The following COL19A1 variants were observed in gnomAD, a reference collection of about 807,000 sequenced individuals.
The protein encoded by COL19A1 is collagen alpha-1(XIX) chain.
A neutral mutation model predicts 190.2 loss-of-function variants in COL19A1; 159 were observed. The ratio of observed to expected loss-of-function variants is 0.84; its 90% CI spans 0.73 to 0.95. The LOEUF (loss-of-function observed/expected upper bound fraction) is 0.95, where lower values mean the gene tolerates loss of function less well. Among genes scored for constraint, COL19A1 ranks in the 40% least tolerant of loss-of-function variants. COL19A1 has a pLI of 0.00. For missense variants in COL19A1, 1,418 were observed against 1,431.9 expected (o/e 0.99, Z 0.16); for synonymous variants, 509 against 458.9 (o/e 1.11, Z -1.39).
At position 70,156,017 on chromosome 6, in the gene COL19A1, C is replaced by G. The variant is rs1787407394; in HGVS notation, c.2080-110C>G. On this transcript the variant is annotated intron_variant, in intron 31 of 50. Coordinates refer to ENST00000620364, the MANE Select transcript of COL19A1 (RefSeq NM_001858.6). ...AGTGTCTGAAAGCAGAATGACCTAT[C>G]TATATCACTCATCTCCAGAGGTTCC... The G allele has an allele frequency of 8.9e-6, 7 of 789,882 alleles. No homozygotes were observed. The Admixed American group carries it at 1.7e-4, about 19-fold the overall frequency. 48.9% of individuals were successfully genotyped at this position (789,882 alleles called of 1,614,324 possible).
intron 15 of COL19A1, among the ~76,000 whole-genome samples, chr6:70,076,755 G>A (rs1781907710): frequency 6.6e-6 from 1 of 152,164 alleles, no homozygotes. Flanking sequence ...GTTCTATGAA[G>A]GAGTCTTATA....
intron 11 of COL19A1, among the ~76,000 whole-genome samples, chr6:70,003,801 C>T (rs1290135138): frequency 2.0e-5 from 3 of 152,158 alleles, no homozygotes; most frequent in East Asian, 1.9e-4. Context: ...GAATACAGCA[C>T]AGCAATGGGT....
intron 2 of COL19A1, among the ~76,000 whole-genome samples, chr6:69,898,057 C>T (rs780781320): frequency 6.6e-6 from 1 of 151,688 alleles, no homozygotes; most frequent in Non-Finnish European, 1.5e-5. Flanking sequence ...AGTAGTTTAT[C>T]TCCTCTCTAT....
intron 15 of COL19A1, among the ~76,000 whole-genome samples, chr6:70,088,895 T>C (rs1177461707): frequency 1.3e-5 from 2 of 152,196 alleles, no homozygotes; most frequent in Non-Finnish European, 2.9e-5. Context: ...CTCATTAAAG[T>C]AGTAAAAAAT....
At chr6:70,041,177 C>T (rs6940359) in intron 14 of COL19A1, among the ~76,000 whole-genome samples, 1,973 of 152,278 alleles carry the variant, frequency 0.013, 45 homozygotes, top group African/African-American at 0.045. Flanking sequence ...TCAGCAAATA[C>T]AGCTAGTTGA....
chr6:70,106,675 T>C (rs1783990417), intron 16 of COL19A1, among the ~76,000 whole-genome samples: 1 of 152,208 alleles, frequency 6.6e-6, no homozygotes, highest in Non-Finnish European at 1.5e-5. Flanking sequence ...ACAATGTATT[T>C]TTGTAAAGTA....
chr6:70,054,205 C>G (rs1780368026), intron 14 of COL19A1, among the ~76,000 whole-genome samples: 3 of 152,030 alleles, frequency 2.0e-5, no homozygotes, highest in African/African-American at 7.2e-5. Flanking sequence ...CAAAATTTAG[C>G]TGTGTGTGAT....
intron 23 of COL19A1, among the ~76,000 whole-genome samples, 187 bp downstream of exon 23, chr6:70,143,007 C>T (rs578061062): frequency 6.6e-6 from 1 of 152,230 alleles, no homozygotes; most frequent in South Asian, 2.1e-4. Context: ...TTCATATAAT[C>T]ATGTGAGGTC....
intron 31 of COL19A1, among the ~76,000 whole-genome samples, chr6:70,153,511 G>A (rs1057168662): frequency 6.6e-6 from 1 of 151,954 alleles, no homozygotes; most frequent in Admixed American, 6.6e-5. Context: ...TTGCCATTCT[G>A]GTAACCCTAA....
chr6:70,171,928 T>A, intron 40 of COL19A1, 36 bp from the exon 41 acceptor site: 1 of 1,605,184 alleles, frequency 6.2e-7, no homozygotes, highest in East Asian at 2.2e-5. Context: ...ACATTTTGAT[T>A]ATTGCTCCTG....
intron 9 of COL19A1, among the ~76,000 whole-genome samples, chr6:69,941,739 A>T (rs1008867193): frequency 4.2e-5 from 6 of 143,780 alleles, no homozygotes; most frequent in Non-Finnish European, 7.5e-5. Flanking sequence ...CCCAGGCTGG[A>T]GTGCAATGGT....
rs760066557 is a variant in COL19A1, at chr6:70,190,349, A to C, written c.3062A>C (p.Tyr1021Ser). 6.2e-7 allele frequency: 1 copy of C among 1,606,174 alleles called. No individual in the cohort carries two copies. The highest frequency in any genetic ancestry group is 1.1e-5 in the South Asian group (1 of 89,374). Residue 1021 changes from tyrosine to serine, a missense_variant, in exon 48 of 51, where the codon TAT (tyrosine) becomes TCT (serine). By Grantham distance (144) the Tyr-to-Ser change is moderately radical. Coordinates refer to ENST00000620364, the MANE Select transcript of COL19A1 (RefSeq NM_001858.6). ...DAVSFEEIKK[Y>S]INQEVLRIFE... The stretch of plus-strand genomic sequence containing the variant: ...GTTTCATTTGAAGAAATAAAGAAGT[A>C]TATTAATCAAGAGGTCCTAAGGATT...
At chr6:70,165,226 T>G (rs1765076354) in intron 36 of COL19A1, among the ~76,000 whole-genome samples, 1 of 152,214 alleles carries the variant, frequency 6.6e-6, no homozygotes, top group Admixed American at 6.5e-5. Flanking sequence ...GATAAACATC[T>G]ATGGTTTATA....
intron 6 of COL19A1, among the ~76,000 whole-genome samples, chr6:69,931,831 A>G (rs974150770): frequency 6.6e-6 from 1 of 152,070 alleles, no homozygotes; most frequent in East Asian, 1.9e-4. Context: ...TCTGAGGCGA[A>G]AAGTAAAAGT....
rs543303709 is a variant in COL19A1, at chr6:70,149,774, G to T, written c.1929+35G>T. On this transcript the variant is annotated intron_variant, in intron 28 of 50. Transcript: ENST00000620364. ...TTAACTAATTTTTTAGCACAGCAAA[G>T]CCAGCTTGCTTACTTGGGGGAAATG... is the stretch of plus-strand genomic sequence containing the variant. 7.0e-5 allele frequency: 113 copies of T among 1,613,562 alleles called. 2 individuals carry two copies. In the South Asian group the frequency reaches 1.2e-3, roughly 17 times the overall value.
At chr6:70,166,108 A>G in intron 37 of COL19A1, 123 bp downstream of exon 37, 1 of 875,178 alleles carries the variant, frequency 1.1e-6, no homozygotes, top group Non-Finnish European at 1.9e-6. Context: ...GTGTATAAAT[A>G]TAAATGATAG....
chr6:70,185,648 C>T (rs192912164), intron 46 of COL19A1, among the ~76,000 whole-genome samples: 20 of 152,172 alleles, frequency 1.3e-4, no homozygotes, highest in Non-Finnish European at 2.4e-4. Context: ...TTGATTTCTA[C>T]TAGAATTAAC....
chr6:70,074,948 A>G (rs1696221381), intron 15 of COL19A1, among the ~76,000 whole-genome samples: 1 of 152,156 alleles, frequency 6.6e-6, no homozygotes, highest in South Asian at 2.1e-4. Context: ...TCGTAGGTAG[A>G]AAAAAAGCAT....
At chr6:69,987,857 T>G (rs1776395018) in intron 11 of COL19A1, among the ~76,000 whole-genome samples, 1 of 152,192 alleles carries the variant, frequency 6.6e-6, no homozygotes, top group South Asian at 2.1e-4. Flanking sequence ...ACTCAAGTAG[T>G]GGGCTTTCTC....
Sources: allele counts gnomAD v4.1 joint callset (sites outside exome capture counted in the v4.1 genomes callset), GRCh38; gene constraint gnomAD v4.1.1; transcripts MANE v1.5; gene names NCBI Gene and HGNC (gene_info 2026-07-23, HGNC 2026-07-21).